CAB39: variants seen among roughly 807,000 people sequenced by gnomAD.
CAB39 encodes the protein calcium-binding protein 39.
CAB39 carries 8 observed loss-of-function variants against 40.0 expected under a neutral mutation model. The ratio of observed to expected loss-of-function variants is 0.20; its 90% CI spans 0.12 to 0.36. The LOEUF is 0.36. Ranked by LOEUF, CAB39 falls within the 10% of genes least tolerant of loss-of-function variation. CAB39 has a pLI of 1.00. For missense variants in CAB39, 270 were observed against 401.1 expected (o/e 0.67, Z 2.79); for synonymous variants, 156 against 141.6 (o/e 1.10, Z -0.72).
At chr2:230,805,099 G>A (rs954357565) in intron 5 of CAB39, among the ~76,000 whole-genome samples, 14 of 152,096 alleles carry the variant, frequency 9.2e-5, no homozygotes, top group Non-Finnish European at 2.1e-4. Context: ...CCTTTGTAGC[G>A]ACATGGATGA....
chr2:230,770,161 TA>T (rs1168412978), intron 2 of CAB39, among the ~76,000 whole-genome samples: 4 of 150,956 alleles, frequency 2.6e-5, no homozygotes, highest in Non-Finnish European at 4.4e-5. Context: ...AGAAAGGAAA[TA>T]GCTATCAAAA....
intron 5 of CAB39, among the ~76,000 whole-genome samples, chr2:230,801,215 G>C (rs1696084062): frequency 6.6e-6 from 1 of 152,156 alleles, no homozygotes; most frequent in African/African-American, 2.4e-5. Context: ...AGAGAGGACA[G>C]ACCTCCCATC....
At chr2:230,719,174 G>C (rs993353575) in intron 1 of CAB39, among the ~76,000 whole-genome samples, 4 of 152,144 alleles carry the variant, frequency 2.6e-5, no homozygotes, top group African/African-American at 9.7e-5. Context: ...TAGTTAGCTT[G>C]GGGGAACAAA....
At chr2:230,781,745 A>G (rs775721530) in intron 2 of CAB39, among the ~76,000 whole-genome samples, 1 of 152,234 alleles carries the variant, frequency 6.6e-6, no homozygotes, top group Non-Finnish European at 1.5e-5. Context: ...AGGGCAGAGA[A>G]TATATTGACA....
At chr2:230,737,114 A>C (rs1282781381) in intron 1 of CAB39, among the ~76,000 whole-genome samples, 1 of 152,210 alleles carries the variant, frequency 6.6e-6, no homozygotes, top group Non-Finnish European at 1.5e-5. Context: ...TGCACCCAAC[A>C]TGCAGACATT....
At chr2:230,808,223 A>AT (rs767044132) in intron 5 of CAB39, among the ~76,000 whole-genome samples, 20 of 152,022 alleles carry the variant, frequency 1.3e-4, no homozygotes, top group Non-Finnish European at 2.2e-4. Flanking sequence ...AGTAGCTGGG[A>AT]TTACAGGCAT....
intron 1 of CAB39, among the ~76,000 whole-genome samples, chr2:230,752,834 C>A (rs1170163164): frequency 6.6e-6 from 1 of 152,120 alleles, no homozygotes; most frequent in Non-Finnish European, 1.5e-5. Context: ...CTGTGACAAC[C>A]AAGTTTAGTG....
At chr2:230,806,238 G>T (rs1696191307) in intron 5 of CAB39, among the ~76,000 whole-genome samples, 1 of 152,154 alleles carries the variant, frequency 6.6e-6, no homozygotes, top group East Asian at 1.9e-4. Flanking sequence ...TAGAGATTTT[G>T]ATTGAAATCA....
intron 8 of CAB39, 117 bp from the exon 9 acceptor site, chr2:230,818,399 T>C: frequency 1.3e-6 from 1 of 742,246 alleles, no homozygotes. Flanking sequence ...CTAATGACCC[T>C]GACTTCAGCG....
At chr2:230,816,293 TATTTG>T (rs1158335918) in intron 7 of CAB39, among the ~76,000 whole-genome samples, 1 of 152,200 alleles carries the variant, frequency 6.6e-6, no homozygotes, top group African/African-American at 2.4e-5. Context: ...AAGAATTACA[TATTTG>T]AAGTCATCTT....
chr2:230,730,398 A>G (rs1694665892), intron 1 of CAB39, among the ~76,000 whole-genome samples: 2 of 151,978 alleles, frequency 1.3e-5, no homozygotes, highest in East Asian at 3.9e-4. Flanking sequence ...ATGAAAATAT[A>G]TCTGTTGGGA....
intron 6 of CAB39, among the ~76,000 whole-genome samples, chr2:230,810,846 G>A (rs953712494): frequency 1.3e-5 from 2 of 152,188 alleles, no homozygotes; most frequent in African/African-American, 2.4e-5. Flanking sequence ...CTAGCTTGTC[G>A]GTAAGGTCCC....
chr2:230,780,116 G>C (rs1559608015), intron 2 of CAB39, among the ~76,000 whole-genome samples: 2 of 152,080 alleles, frequency 1.3e-5, no homozygotes, highest in Non-Finnish European at 2.9e-5. Flanking sequence ...TGCACAGGGG[G>C]TACCTGAGTC....
At chr2:230,747,578 C>T (rs1257486091) in intron 1 of CAB39, among the ~76,000 whole-genome samples, 1 of 152,214 alleles carries the variant, frequency 6.6e-6, no homozygotes, top group Non-Finnish European at 1.5e-5. Context: ...ACAGTGGTCA[C>T]AGTGGTCATT....
chr2:230,796,138 C>G (rs1249566214), intron 4 of CAB39, among the ~76,000 whole-genome samples: 3 of 152,136 alleles, frequency 2.0e-5, no homozygotes, highest in African/African-American at 7.2e-5. Context: ...TCCTGCCAGA[C>G]CTGGAAACAG....
At chr2:230,805,783 A>G (rs1277728856) in intron 5 of CAB39, among the ~76,000 whole-genome samples, 1 of 152,222 alleles carries the variant, frequency 6.6e-6, no homozygotes, top group African/African-American at 2.4e-5. Context: ...GTAATTCACA[A>G]CCAGTTGTAT....
intron 1 of CAB39, among the ~76,000 whole-genome samples, chr2:230,742,680 A>G (rs753766832): frequency 7.2e-5 from 11 of 152,222 alleles, no homozygotes; most frequent in African/African-American, 2.4e-4. Context: ...AGAGATGTAC[A>G]ATTTCAGTAA....
At chr2:230,792,436 G>C (rs919311517) in intron 3 of CAB39, among the ~76,000 whole-genome samples, 1 of 152,116 alleles carries the variant, frequency 6.6e-6, no homozygotes, top group Non-Finnish European at 1.5e-5. Context: ...TGTGGTTTAG[G>C]TATACCCTGG....
At chr2:230,783,442 A>T (rs62193637) in intron 2 of CAB39, among the ~76,000 whole-genome samples, 73 of 148,868 alleles carry the variant, frequency 4.9e-4, no homozygotes, top group Non-Finnish European at 8.6e-4. Context: ...GTTCTTGTCT[A>T]GTTTTGTTTT....
Sources: allele counts gnomAD v4.1 joint callset (sites outside exome capture counted in the v4.1 genomes callset), GRCh38; gene constraint gnomAD v4.1.1; transcripts MANE v1.5; gene names NCBI Gene and HGNC (gene_info 2026-07-23, HGNC 2026-07-21).